R3HDM4: variants seen among roughly 807,000 people sequenced by gnomAD.
R3HDM4 encodes the protein R3H domain-containing protein 4.
Under a neutral mutation model 31.3 loss-of-function variants are expected in R3HDM4, and 30 were observed. The observed-to-expected ratio is 0.96, with a 90% CI of 0.72 to 1.30. R3HDM4 has a LOEUF of 1.30. Ranked by LOEUF, R3HDM4 falls within the 50% of genes most tolerant of loss-of-function variation. The probability of loss-of-function intolerance (pLI) is 0.00; values close to 1 mark genes in which losing one functional copy is unlikely to be tolerated. For synonymous variants in R3HDM4, 196 were observed against 156.6 expected, an observed-to-expected ratio of 1.25 and a Z score of -1.88; for missense variants, 444 against 366.1, an observed-to-expected ratio of 1.21 and a Z score of -1.74.
Position 897,364 on chromosome 19 carries a change from G to C in R3HDM4, c.*73C>G. The stretch of plus-strand genomic sequence containing the variant: ...GAGGACAAATTCTAAAAATATGAAA[G>C]ATATTTTAGCCGAAGGTATCGGAGG... On this transcript the variant is annotated 3_prime_UTR_variant, in exon 8 of 8. Transcript: ENST00000361574. 8.9e-7 allele frequency: 1 copy of C among 1,123,974 alleles called. No homozygotes were observed. The highest frequency in any genetic ancestry group is 1.3e-6 in the Non-Finnish European group (1 of 796,756). The allele number at this position is 1,123,974 out of a possible 1,614,324, so 69.6% of individuals were successfully genotyped here.
chr19:899,759 C>G lies in R3HDM4; in HGVS notation c.562-73G>C. ...GGGGGCCAGGGAGGTCCAGGGCCCCCAGGAGCCCACAGCGCTGGGCTCAAA... is the reference window on the plus strand; with the variant it reads ...GGGGGCCAGGGAGGTCCAGGGCCCCGAGGAGCCCACAGCGCTGGGCTCAAA... On this transcript the variant is annotated intron_variant, in intron 5 of 7. Transcript: ENST00000361574. This position sits in a 1 kb window ranked among gnomAD's most constrained non-coding sequence, Gnocchi z 6.8. 1 of 1,222,916 alleles carries G rather than the reference C, an allele frequency of 8.2e-7. No individual in the cohort carries two copies. Among genetic ancestry groups the G allele is most frequent in the Non-Finnish European group, 1.1e-6 (1 of 890,290 alleles). The allele number at this position is 1,222,916 out of a possible 1,614,324, so 75.8% of individuals were successfully genotyped here.
At chr19:912,514 TG>T (rs1176902828) in intron 1 of R3HDM4, among the ~76,000 whole-genome samples, 38 of 25,624 alleles carry the variant, frequency 1.5e-3, no homozygotes, top group African/African-American at 6.2e-3. Context: ...ACCAGGGGAG[TG>T]GGGGGGTGGA....
chr19:898,684 AC>A (rs894713275), intron 7 of R3HDM4, among the ~76,000 whole-genome samples: 6 of 149,262 alleles, frequency 4.0e-5, no homozygotes, highest in South Asian at 2.1e-4. Context: ...TCTGCCTGGG[AC>A]CCCCCCGTCC....
chr19:908,123 T>C (rs760197024), intron 1 of R3HDM4, among the ~76,000 whole-genome samples: 1 of 151,662 alleles, frequency 6.6e-6, no homozygotes, highest in Non-Finnish European at 1.5e-5. Flanking sequence ...ACCTGGGAAG[T>C]GGAGGTTGCA....
At chr19:901,323 C>A (rs753591901) in intron 3 of R3HDM4, 99 bp downstream of exon 3, 2 of 1,318,144 alleles carry the variant, frequency 1.5e-6, no homozygotes, top group African/African-American at 1.4e-5. Flanking sequence ...CAGAAGTGGG[C>A]GGGTGCTTCT....
intron 3 of R3HDM4, 164 bp from the exon 4 acceptor site, chr19:901,116 A>G: frequency 1.1e-6 from 1 of 937,432 alleles, no homozygotes; most frequent in South Asian, 1.8e-5. Flanking sequence ...AGCTGAGCGC[A>G]GGGAAGCGGG....
chr19:901,271 C>T (rs776259221), intron 3 of R3HDM4, 151 bp downstream of exon 3: 30 of 893,308 alleles, frequency 3.4e-5, no homozygotes, highest in Non-Finnish European at 4.8e-5. Flanking sequence ...CTGGCCTGGT[C>T]TGGGGACCCC....
At chr19:909,823 CAG>C (rs2036949899) in intron 1 of R3HDM4, among the ~76,000 whole-genome samples, 1 of 151,966 alleles carries the variant, frequency 6.6e-6, no homozygotes, top group Non-Finnish European at 1.5e-5. Context: ...ACAAAAAAAA[CAG>C]AAGACTCAGG....
chr19:898,137 AG>A (rs1037477256), intron 7 of R3HDM4, among the ~76,000 whole-genome samples: 4 of 151,942 alleles, frequency 2.6e-5, no homozygotes, highest in African/African-American at 9.7e-5. Flanking sequence ...CTGTAATGCC[AG>A]CACTTTGGGA....
Position 901,962 on chromosome 19 carries a change from C to A in R3HDM4, c.226+14G>T, listed in dbSNP as rs375080404. The A allele has an allele frequency of 6.2e-7, 1 of 1,612,928 alleles. No homozygotes were observed. Among genetic ancestry groups the A allele is most frequent in the Non-Finnish European group, 8.5e-7 (1 of 1,179,930 alleles). Reference sequence around the variant, plus strand: ...CCAGGAGCCCCCAGGAGGCGCCTCCCGACCCCTGCTCACTGTTCTCCAGGC... The same window carrying A: ...CCAGGAGCCCCCAGGAGGCGCCTCCAGACCCCTGCTCACTGTTCTCCAGGC... On this transcript the variant is annotated intron_variant, in intron 2 of 7. Transcript: ENST00000361574.
intron 7 of R3HDM4, 48 bp from the exon 8 acceptor site, chr19:897,588 C>A (rs560355406): frequency 3.4e-6 from 5 of 1,480,208 alleles, no homozygotes; most frequent in Non-Finnish European, 4.6e-6. Flanking sequence ...TTGGGAGCCG[C>A]GGCAGGTAGA....
intron 1 of R3HDM4, among the ~76,000 whole-genome samples, chr19:911,693 C>T (rs1001790625): frequency 6.6e-6 from 1 of 152,152 alleles, no homozygotes; most frequent in African/African-American, 2.4e-5. Flanking sequence ...GCCTCCTCGC[C>T]CTCCACCAAC....
In R3HDM4 at chr19:900,867, CGCGCCTTGCTCCT is replaced by C; in HGVS notation, c.424_436del (p.Arg142GlyfsTer68). 1 of 1,558,420 alleles carries C rather than the reference CGCGCCTTGCTCCT, an allele frequency of 6.4e-7. No individual in the cohort carries two copies. Among genetic ancestry groups the C allele is most frequent in the Non-Finnish European group, 8.7e-7 (1 of 1,153,064 alleles). The stretch of plus-strand genomic sequence containing the variant: ...CTCCCCACGGCCAGGGCCCCTCCTC[CGCGCCTTGCTCCT>C]GCCCTCATCCTCCAGGTAGCGAAGA... On this transcript the variant is annotated frameshift_variant, in exon 4 of 8. Transcript: ENST00000361574. LOFTEE classifies it high-confidence loss of function.
chr19:897,123 C>G lies in R3HDM4; in HGVS notation c.*314G>C, dbSNP rs2036748773. 1 of 324,756 alleles carries G rather than the reference C, an allele frequency of 3.1e-6. No homozygotes were observed. 20.1% of individuals were successfully genotyped at this position (324,756 alleles called of 1,614,324 possible). On this transcript the variant is annotated 3_prime_UTR_variant, in exon 8 of 8. Transcript: ENST00000361574. ...AGTGATAAAAACCCAGCCTCCCCCT[C>G]CTCACTTGAGCTTCAGACCGGGCCA...
rs1193886950 is a variant in R3HDM4, at chr19:907,245, A to C, written c.72-5115T>G. On this transcript the variant is annotated intron_variant, in intron 1 of 7. Coordinates refer to ENST00000361574, the MANE Select transcript of R3HDM4 (RefSeq NM_138774.4). This position sits in a 1 kb window ranked among gnomAD's most constrained non-coding sequence, Gnocchi z 4.1. ...AGAGCACAGCAGCCGACGGGTACTC[A>C]GTGGGAATACAGGGTCATGTTAAGC... 6.6e-6 allele frequency among the ~76,000 whole-genome samples: 1 copy of C among 152,156 alleles called. No homozygotes were observed.
rs530755653 is a variant in R3HDM4 at position 903,326 on chromosome 19, G to A, written c.72-1196C>T. Among the ~76,000 whole-genome samples the A allele has an allele frequency of 7.9e-5, 12 of 152,100 alleles. No homozygotes were observed. In the East Asian group the frequency reaches 1.4e-3, roughly 17 times the overall value. ...CCCTCCAGAGCTAATCGGCCTGGCCGGAGCAAATGGCATTAATTGTGGAGA... is the reference window on the plus strand; with the variant it reads ...CCCTCCAGAGCTAATCGGCCTGGCCAGAGCAAATGGCATTAATTGTGGAGA... On this transcript the variant is annotated intron_variant, in intron 1 of 7. Coordinates refer to ENST00000361574, the MANE Select transcript of R3HDM4 (RefSeq NM_138774.4).
intron 7 of R3HDM4, among the ~76,000 whole-genome samples, chr19:898,343 T>G (rs1157524421): frequency 5.3e-5 from 7 of 132,372 alleles, no homozygotes; most frequent in South Asian, 2.4e-4. Flanking sequence ...AGGTGGAGCT[T>G]GCAGTGAGCT....
At chr19:905,889 C>G (rs573281350) in intron 1 of R3HDM4, among the ~76,000 whole-genome samples, 2 of 152,308 alleles carry the variant, frequency 1.3e-5, no homozygotes, top group Non-Finnish European at 2.9e-5. Context: ...CACCCTGGAC[C>G]AGGTGCTCAG....
rs1005278244 is a variant in R3HDM4 at position 897,338 on chromosome 19, C to T, written c.*99G>A. The T allele has an allele frequency of 1.9e-5, 18 of 957,758 alleles. No homozygotes were observed. The highest frequency in any genetic ancestry group is 1.0e-4 in the South Asian group (6 of 57,486). The allele number at this position is 957,758 out of a possible 1,614,324, so 59.3% of individuals were successfully genotyped here. A position where few individuals can be genotyped will look rare whatever the true frequency, so the allele number is the denominator to read the frequency against. On this transcript the variant is annotated 3_prime_UTR_variant, in exon 8 of 8. Transcript: ENST00000361574. ...GACCACCCCAAGCGAAAAAGGTTTC[C>T]GAGGACAAATTCTAAAAATATGAAA... is the stretch of plus-strand genomic sequence containing the variant.
Sources: gnomAD v4.1 joint callset for allele counts (sites outside exome capture counted in the v4.1 genomes callset) on GRCh38, gnomAD v4.1.1 for gene constraint, Gnocchi (gnomAD v3.1) non-coding constraint, MANE v1.5 for transcripts, NCBI Gene and HGNC (gene_info 2026-07-23, HGNC 2026-07-21) for gene names.